Variants in SREBF2 observed in about 807,000 individuals in gnomAD.
SREBF2 encodes sterol regulatory element binding transcription factor 2.
Under a neutral mutation model 113.1 loss-of-function variants are expected in SREBF2, and 55 were observed. That is an observed-to-expected ratio of 0.49 (90% CI 0.39 to 0.61). SREBF2 has a LOEUF of 0.61. Among genes scored for constraint, SREBF2 ranks in the 20% least tolerant of loss-of-function variants. The probability of loss-of-function intolerance (pLI) is 0.00; values close to 1 mark genes in which losing one functional copy is unlikely to be tolerated. For missense variants in SREBF2, 1,349 were observed against 1,487.4 expected, an observed-to-expected ratio of 0.91 and a Z score of 1.53; for synonymous variants, 593 against 605.7, an observed-to-expected ratio of 0.98 and a Z score of 0.31.
In SREBF2 at chr22:41,880,799, G is replaced by T. The variant is rs780135779; in HGVS notation, c.1845G>T (p.Leu615=). The change falls in exon 10 of 19, where the codon CTG becomes CTT. Residue 615 remains leucine (L), a synonymous_variant. Transcript: ENST00000361204. ...CACTGCCCACCTCCCGCCTGGACCT[G>T]GCCTGCAGCCTCTCCTGGAACGTGA... ...GRALPTSRLD[L]ACSLSWNVIR... 6.2e-7 allele frequency: 1 copy of T among 1,614,044 alleles called. No homozygotes were observed. The highest frequency in any genetic ancestry group is 1.3e-5 in the African/African-American group (1 of 74,930).
chr22:41,846,715 A>G (rs1569372116), intron 1 of SREBF2, among the ~76,000 whole-genome samples: 1 of 152,120 alleles, frequency 6.6e-6, no homozygotes, highest in Admixed American at 6.6e-5. Context: ...TGCTCAAACT[A>G]TTTCCTTTGC....
chr22:41,881,110 A>T (rs978797554), intron 10 of SREBF2, 118 bp downstream of exon 10: 2 of 1,356,638 alleles, frequency 1.5e-6, no homozygotes, highest in African/African-American at 2.9e-5. Context: ...CTACTCTTTT[A>T]GAGTGGCTAG....
Position 41,833,472 on chromosome 22 carries a change from A to C in SREBF2, c.88+114A>C, listed in dbSNP as rs1220170871. 6.8e-6 allele frequency: 6 copies of C among 887,596 alleles called. No homozygotes were observed. In the East Asian group the frequency reaches 1.9e-4, roughly 28 times the overall value. 55.0% of individuals were successfully genotyped at this position (887,596 alleles called of 1,614,324 possible). ...GACAGCCCCGGTTCGCGCGGGAAGA[A>C]CCCCGTGCGCACGGTGCCCCCGGCG... On this transcript the variant is annotated intron_variant, in intron 1 of 18. Transcript: ENST00000361204. This position sits in a 1 kb window ranked among gnomAD's most constrained non-coding sequence, Gnocchi z 4.1.
chr22:41,858,640 C>T (rs961483971), intron 1 of SREBF2, among the ~76,000 whole-genome samples: 1 of 151,980 alleles, frequency 6.6e-6, no homozygotes, highest in Admixed American at 6.6e-5. Context: ...CCCAGCTACC[C>T]AAGAGGCTGC....
At position 41,870,876 on chromosome 22, in the gene SREBF2, C is replaced by T; in HGVS notation, c.721-13C>T. The T allele has an allele frequency of 2.5e-6, 4 of 1,614,048 alleles. No individual in the cohort carries two copies. Among genetic ancestry groups the T allele is most frequent in the Non-Finnish European group, 3.4e-6 (4 of 1,180,008 alleles). ...TGCTATCATCCTTTTACTTTTCTTC[C>T]TTCTTCATCCAGGTCCTGGTCCAGC... is the stretch of plus-strand genomic sequence containing the variant. On this transcript the variant is annotated splice_polypyrimidine_tract_variant and intron_variant, in intron 3 of 18. Transcript: ENST00000361204.
chr22:41,855,780 G>A (rs1301903764), intron 1 of SREBF2, among the ~76,000 whole-genome samples: 4 of 151,158 alleles, frequency 2.6e-5, no homozygotes, highest in Non-Finnish European at 5.9e-5. Context: ...TTTGAGTCAG[G>A]GGTCTTGCTC....
chr22:41,843,144 T>TGAATACAA (rs2076844630), intron 1 of SREBF2, among the ~76,000 whole-genome samples: 1 of 152,218 alleles, frequency 6.6e-6, no homozygotes, highest in Non-Finnish European at 1.5e-5. Flanking sequence ...TATTTGATAA[T>TGAATACAA]GAATACAAGA....
chr22:41,887,060 CA>C (rs2077306499), intron 11 of SREBF2, among the ~76,000 whole-genome samples: 1 of 151,592 alleles, frequency 6.6e-6, no homozygotes, highest in South Asian at 2.1e-4. Context: ...TACATACAAA[CA>C]AAAATTAGCT....
intron 12 of SREBF2, among the ~76,000 whole-genome samples, chr22:41,894,520 A>G (rs1045162056): frequency 6.6e-6 from 1 of 151,728 alleles, no homozygotes; most frequent in African/African-American, 2.4e-5. Flanking sequence ...TTCTGATCCA[A>G]CTCCACCTGA....
At chr22:41,875,491 G>T (rs115419898) in intron 6 of SREBF2, 40 bp downstream of exon 6, 2 of 1,614,120 alleles carry the variant, frequency 1.2e-6, no homozygotes, top group African/African-American at 2.7e-5. Flanking sequence ...CCTGGCCCAG[G>T]TGGGGCTTTG....
At chr22:41,845,601 CAG>C (rs1308529295) in intron 1 of SREBF2, among the ~76,000 whole-genome samples, 1 of 152,164 alleles carries the variant, frequency 6.6e-6, no homozygotes, top group Non-Finnish European at 1.5e-5. Context: ...GAAAATACAA[CAG>C]AGGCTATAAC....
chr22:41,897,394 C>T (rs2148416319), intron 14 of SREBF2, among the ~76,000 whole-genome samples: 1 of 152,294 alleles, frequency 6.6e-6, no homozygotes, highest in East Asian at 1.9e-4. Context: ...CTTCCTCAAG[C>T]CCTAGCTGTG....
intron 1 of SREBF2, among the ~76,000 whole-genome samples, chr22:41,844,270 T>G (rs1234775954): frequency 6.6e-6 from 1 of 152,106 alleles, no homozygotes; most frequent in Non-Finnish European, 1.5e-5. Context: ...ACCTAACCTC[T>G]TTTGGCTCTA....
chr22:41,898,612 T>C, intron 14 of SREBF2, 37 bp from the exon 15 acceptor site: 1 of 1,613,232 alleles, frequency 6.2e-7, no homozygotes, highest in Non-Finnish European at 8.5e-7. Context: ...CTCGTTTCTG[T>C]GGGTGCTGGA....
At chr22:41,899,022 G>C (rs2077441175) in intron 15 of SREBF2, 1 of 641,560 alleles carries the variant, frequency 1.6e-6, no homozygotes, top group Non-Finnish European at 2.6e-6. Context: ...TGTCAGCACT[G>C]TGTCCGGGTC....
chr22:41,899,272 G>A, intron 15 of SREBF2: 1 of 1,064,894 alleles, frequency 9.4e-7, no homozygotes, highest in Non-Finnish European at 1.1e-6. Context: ...TGGCAACTTT[G>A]TCCTGTAACT....
intron 1 of SREBF2, among the ~76,000 whole-genome samples, chr22:41,848,065 G>A (rs768524298): frequency 1.4e-4 from 22 of 151,730 alleles, no homozygotes; most frequent in Non-Finnish European, 3.1e-4. Flanking sequence ...ACAGGCGCCC[G>A]CCACCACGCC....
rs1174473976 is a variant in SREBF2, at chr22:41,859,799, CTTTTTTTTT to C, written c.89-7011_89-7003del. On this transcript the variant is annotated intron_variant, in intron 1 of 18. Transcript: ENST00000361204. ...GTTCCAAGGCTAGGATATGGTGATTCTTTTTTTTTTTTTTTTTTTTTTTTTTTTTGAGAC... is the reference window on the plus strand; with the variant it reads ...GTTCCAAGGCTAGGATATGGTGATTCTTTTTTTTTTTTTTTTTTTTGAGAC... Among the ~76,000 whole-genome samples the C allele has an allele frequency of 5.7e-3, 309 of 54,318 alleles. 2 individuals carry two copies. Among genetic ancestry groups the C allele is most frequent in the Non-Finnish European group, 9.1e-3 (269 of 29,496 alleles). The allele number at this position is 54,318 out of a possible 152,430, so 35.6% of individuals were successfully genotyped here.
intron 14 of SREBF2, 72 bp from the exon 15 acceptor site, chr22:41,898,577 G>A (rs1444833480): frequency 2.5e-6 from 4 of 1,603,504 alleles, no homozygotes; most frequent in Non-Finnish European, 3.4e-6. Flanking sequence ...GGAAGGAAGT[G>A]TAGCAGCCTC....
Sources: allele counts gnomAD v4.1 joint callset (sites outside exome capture counted in the v4.1 genomes callset), GRCh38; gene constraint gnomAD v4.1.1; non-coding constraint Gnocchi (gnomAD v3.1); transcripts MANE v1.5; gene names NCBI Gene and HGNC (gene_info 2026-07-23, HGNC 2026-07-21).